RNF213: variants seen among roughly 807,000 people sequenced by gnomAD.
RNF213 encodes ring finger protein 213, also known as E3 ubiquitin-protein ligase RNF213.
In RNF213, 341 loss-of-function variants were observed where a neutral mutation model predicts 514.4. The ratio of observed to expected loss-of-function variants is 0.66; its 90% CI spans 0.61 to 0.73. The LOEUF (loss-of-function observed/expected upper bound fraction) is 0.73, where lower values mean the gene tolerates loss of function less well. RNF213 is among the 30% of genes least tolerant of loss of function. The probability of loss-of-function intolerance (pLI) is 0.00; values close to 1 mark genes in which losing one functional copy is unlikely to be tolerated. For synonymous variants in RNF213, 2,655 were observed against 2,658.2 expected, an observed-to-expected ratio of 1.00 and a Z score of 0.04; for missense variants, 5,767 against 6,615.6, an observed-to-expected ratio of 0.87 and a Z score of 4.45.
Position 80,369,595 on chromosome 17 carries a change from G to T in RNF213, c.12249G>T (p.Pro4083=), listed in dbSNP as rs762586000. The T allele has an allele frequency of 2.5e-6, 4 of 1,614,088 alleles. No homozygotes were observed. Among genetic ancestry groups the T allele is most frequent in the Non-Finnish European group, 2.5e-6 (3 of 1,180,042 alleles). ...CCATTTGCTTCAAGGACAACGCTCC[G>T]CCTGAGAAGGAAGTGATTGAGAGCC... ...VSTICFKDNA[P]PEKEVIESLL... is the part of the protein sequence containing the mutation. The change falls in exon 45 of 68, where the codon CCG becomes CCT. Residue 4083 remains proline, a synonymous_variant. Coordinates refer to ENST00000582970, the MANE Select transcript of RNF213 (RefSeq NM_001256071.3).
intron 37 of RNF213, 68 bp downstream of exon 37, chr17:80,358,547 T>G: frequency 5.6e-6 from 8 of 1,423,136 alleles, no homozygotes; most frequent in South Asian, 1.2e-5. Context: ...TAATATGCTC[T>G]CCCAAGTGCT....
chr17:80,336,376 C>T lies in RNF213; in HGVS notation c.4525C>T (p.Leu1509=), dbSNP rs1362356383. The T allele has an allele frequency of 2.6e-6, 4 of 1,537,140 alleles. No individual in the cohort carries two copies. The African/African-American group carries it at 4.1e-5, about 16-fold the overall frequency. Residue 1509 remains leucine (L), a splice_region_variant and synonymous_variant, in exon 23 of 68, where the codon CTG becomes TTG. Coordinates refer to ENST00000582970, the MANE Select transcript of RNF213 (RefSeq NM_001256071.3). ...LDKDQYLPRK[L]CDSARNLEWL... ...TAAGGACCAGTACCTGCCCAGGAAA[C>T]TGGTGAGTCTTATTCTGTCTCTAAT...
At chr17:80,266,909 G>A (rs868156663) in intron 2 of RNF213, among the ~76,000 whole-genome samples, 12 of 152,264 alleles carry the variant, frequency 7.9e-5, no homozygotes, top group African/African-American at 2.9e-4. Flanking sequence ...TGCACCAAAT[G>A]GTTAGCCAAG....
At chr17:80,320,157 G>A (rs568445365) in intron 17 of RNF213, 32 of 359,468 alleles carry the variant, frequency 8.9e-5, no homozygotes, top group Non-Finnish European at 1.2e-4. Flanking sequence ...AGAGAAACCC[G>A]GCCCCTTTAG....
chr17:80,263,551 C>CA lies in RNF213; in HGVS notation c.-108-23_-108-22insA. On this transcript the variant is annotated intron_variant, in intron 1 of 67. Coordinates refer to ENST00000582970, the MANE Select transcript of RNF213 (RefSeq NM_001256071.3). This position sits in a 1 kb window ranked among gnomAD's most constrained non-coding sequence, Gnocchi z 4.9. ...TCCATTAACCAGGGGACCAGCTGGGCTGCTGTGATTTCACTTTCGCAGAAA... is the reference window on the plus strand; with the variant it reads ...TCCATTAACCAGGGGACCAGCTGGGCATGCTGTGATTTCACTTTCGCAGAAA... 1 of 790,454 alleles carries CA rather than the reference C, an allele frequency of 1.3e-6. No homozygotes were observed. Among genetic ancestry groups the CA allele is most frequent in the Non-Finnish European group, 2.2e-6 (1 of 446,482 alleles). 49.0% of individuals were successfully genotyped at this position (790,454 alleles called of 1,614,324 possible). A position where few individuals can be genotyped will look rare whatever the true frequency, so the allele number is the denominator to read the frequency against.
intron 24 of RNF213, 28 bp from the exon 25 acceptor site, chr17:80,337,805 A>G (rs1599052372): frequency 6.5e-7 from 1 of 1,536,372 alleles, no homozygotes; most frequent in South Asian, 1.2e-5. Flanking sequence ...GCCCCAAGAA[A>G]GTGACTTCTA....
At chr17:80,351,940 A>T (rs954153360) in intron 32 of RNF213, 137 bp downstream of exon 32, 1 of 575,088 alleles carries the variant, frequency 1.7e-6, no homozygotes, top group Admixed American at 2.6e-5. Context: ...CTACAACCTC[A>T]ATCTCCTGGG....
Position 80,343,125 on chromosome 17 carries a change from G to A in RNF213, c.5990-7G>A. The A allele has an allele frequency of 6.2e-7, 1 of 1,612,174 alleles. No individual in the cohort carries two copies. Among genetic ancestry groups the A allele is most frequent in the Non-Finnish European group, 8.5e-7 (1 of 1,178,316 alleles). Reference sequence around the variant, plus strand: ...TCCCAGCCCTAATTTCTGTATTAATGTTATAGGAAAGTCTCTGTACGTGAA... The same window carrying A: ...TCCCAGCCCTAATTTCTGTATTAATATTATAGGAAAGTCTCTGTACGTGAA... On this transcript the variant is annotated splice_region_variant and splice_polypyrimidine_tract_variant and intron_variant, in intron 26 of 67. Coordinates refer to ENST00000582970, the MANE Select transcript of RNF213 (RefSeq NM_001256071.3). This position sits in a 1 kb window ranked among gnomAD's most constrained non-coding sequence, Gnocchi z 4.3.
Position 80,345,316 on chromosome 17 carries a change from C to T in RNF213, c.6981C>T (p.Asn2327=), listed in dbSNP as rs145456322. The T allele has an allele frequency of 1.1e-4, 181 of 1,614,140 alleles. 1 individual carries two copies. In the African/African-American group the frequency reaches 1.8e-3, roughly 16 times the overall value. The change falls in exon 29 of 68, where the codon AAC becomes AAT. Residue 2327 remains asparagine (N), a synonymous_variant. Coordinates refer to ENST00000582970, the MANE Select transcript of RNF213 (RefSeq NM_001256071.3). This position sits in a 1 kb window ranked among gnomAD's most constrained non-coding sequence, Gnocchi z 6.0. The part of the protein sequence containing the change: ...FIGFHLQPNI[N]GSVDAISHLT... ...GCTTCCATCTGCAGCCCAACATCAA[C>T]GGCAGTGTCGATGCCATCAGTCACT...
chr17:80,364,654 C>A, intron 42 of RNF213, 101 bp downstream of exon 42: 1 of 1,469,250 alleles, frequency 6.8e-7, no homozygotes, highest in Non-Finnish European at 9.4e-7. Flanking sequence ...GCTCTTTTGG[C>A]TCTGACCGTT....
chr17:80,300,914 C>G (rs962921216), intron 11 of RNF213, among the ~76,000 whole-genome samples: 1 of 152,094 alleles, frequency 6.6e-6, no homozygotes, highest in African/African-American at 2.4e-5. Flanking sequence ...TTTCATATGC[C>G]TGTTAGCCAC....
chr17:80,291,963 C>A, intron 8 of RNF213, 136 bp downstream of exon 8: 1 of 892,830 alleles, frequency 1.1e-6, no homozygotes, highest in Non-Finnish European at 1.8e-6. Context: ...TTGACCCCGC[C>A]CCAGCCTCCA....
At position 80,375,804 on chromosome 17, in the gene RNF213, A is replaced by T. The variant is rs200852207; in HGVS notation, c.13119A>T (p.Leu4373Phe). The change falls in exon 51 of 68, where the codon TTA (leucine) becomes TTT (phenylalanine). Residue 4373 changes from leucine to phenylalanine, a missense_variant. Coordinates refer to ENST00000582970, the MANE Select transcript of RNF213 (RefSeq NM_001256071.3). ...GCCAGCAGTCAGCCTACTTCCTGTT[A>T]ACACTGTTTAGAGAGGTGGCTATTT... ...PQSQQSAYFL[L>F]TLFREVAILY... 23 of 1,614,018 alleles carry T rather than the reference A, an allele frequency of 1.4e-5. No individual in the cohort carries two copies. The highest frequency in any genetic ancestry group is 1.9e-5 in the Non-Finnish European group (22 of 1,180,020).
intron 20 of RNF213, among the ~76,000 whole-genome samples, chr17:80,330,942 C>G (rs1269780943): frequency 6.6e-6 from 1 of 152,092 alleles, no homozygotes; most frequent in African/African-American, 2.4e-5. Context: ...CTCAGCCTCC[C>G]TAGTAGCTGA....
At chr17:80,262,885 G>A (rs542406000) in intron 1 of RNF213, among the ~76,000 whole-genome samples, 5 of 152,286 alleles carry the variant, frequency 3.3e-5, no homozygotes, top group Middle Eastern at 3.4e-3. Context: ...GTCAGCTGCC[G>A]CTCCAGCCAC....
intron 2 of RNF213, among the ~76,000 whole-genome samples, chr17:80,266,337 C>T (rs1030089107): frequency 6.6e-6 from 1 of 151,630 alleles, no homozygotes; most frequent in African/African-American, 2.4e-5. Context: ...TCACTTGAGC[C>T]TGGGAAGTCG....
chr17:80,360,620 G>A (rs374380704), intron 38 of RNF213, among the ~76,000 whole-genome samples: 23 of 152,234 alleles, frequency 1.5e-4, no homozygotes, highest in South Asian at 4.1e-4. Context: ...AGGCACGAGC[G>A]CCTGGAGCAT....
chr17:80,275,185 TTGGGGTGTGTGGGAG>T (rs1334278153), intron 3 of RNF213, among the ~76,000 whole-genome samples: 1 of 146,232 alleles, frequency 6.8e-6, no homozygotes, highest in Non-Finnish European at 1.5e-5. Context: ...TGTGTGTATG[TTGGGGTGTGTGGGAG>T]TGGGGTGTGT....
intron 56 of RNF213, chr17:80,381,305 C>T (rs2079991312): frequency 4.9e-6 from 3 of 606,710 alleles, no homozygotes; most frequent in Admixed American, 5.3e-5. Context: ...AAAGAGCACA[C>T]TGCATAACCA....
Sources: allele counts gnomAD v4.1 joint callset (sites outside exome capture counted in the v4.1 genomes callset), GRCh38; gene constraint gnomAD v4.1.1; non-coding constraint Gnocchi (gnomAD v3.1); transcripts MANE v1.5; gene names NCBI Gene and HGNC (gene_info 2026-07-23, HGNC 2026-07-21).